Variants in NOS1AP observed in about 807,000 individuals in gnomAD.
NOS1AP encodes the protein nitric oxide synthase 1 adaptor protein.
In NOS1AP, 21 loss-of-function variants were observed where a neutral mutation model predicts 56.2. The observed-to-expected ratio is 0.37, with a 90% confidence interval of 0.26 to 0.54. NOS1AP has a LOEUF of 0.54. NOS1AP is among the 20% of genes least tolerant of loss of function. The pLI, the probability that NOS1AP is intolerant of heterozygous loss-of-function variation, is 0.84. For missense variants in NOS1AP, 522 were observed against 657.8 expected (o/e 0.79, Z 2.26); for synonymous variants, 270 against 274.6 (o/e 0.98, Z 0.17).
At chr1:162,199,595 CGTGTGTGTGTGTGTGTGTGTGTGTGTGT>C (rs58625856) in intron 2 of NOS1AP, among the ~76,000 whole-genome samples, 3,870 of 131,702 alleles carry the variant, frequency 0.029, 71 homozygotes, top group Non-Finnish European at 0.041. Flanking sequence ...GCATGGATTG[CGTGTGTGTGTGTGTGTGTGTGTGTGTGT>C]GTGTGTGTGT....
At chr1:162,276,101 A>G (rs1654723677) in intron 2 of NOS1AP, among the ~76,000 whole-genome samples, 1 of 152,224 alleles carries the variant, frequency 6.6e-6, no homozygotes, top group Non-Finnish European at 1.5e-5. Context: ...AACATAAAAT[A>G]TTTACCACTT....
chr1:162,306,172 C>T (rs556949142), intron 4 of NOS1AP, among the ~76,000 whole-genome samples: 2 of 152,312 alleles, frequency 1.3e-5, no homozygotes, highest in South Asian at 4.1e-4. Context: ...AAGCCAGCCA[C>T]ATCCATGTGC....
At chr1:162,166,059 CT>C (rs896162861) in intron 2 of NOS1AP, among the ~76,000 whole-genome samples, 6 of 152,192 alleles carry the variant, frequency 3.9e-5, no homozygotes, top group Non-Finnish European at 8.8e-5. Flanking sequence ...GTCACTACCC[CT>C]GGCTTAGGTC....
At chr1:162,350,818 C>T (rs982310756) in intron 6 of NOS1AP, among the ~76,000 whole-genome samples, 1 of 151,946 alleles carries the variant, frequency 6.6e-6, no homozygotes, top group African/African-American at 2.4e-5. Context: ...CTCCCTTCCC[C>T]GCAATTCCTG....
intron 2 of NOS1AP, among the ~76,000 whole-genome samples, chr1:162,258,444 A>G (rs571335189): frequency 6.6e-6 from 1 of 152,070 alleles, no homozygotes; most frequent in African/African-American, 2.4e-5. Context: ...GGTGCATCTT[A>G]TCTGGAATCT....
chr1:162,204,859 TG>T (rs1306048430), intron 2 of NOS1AP, among the ~76,000 whole-genome samples: 1 of 152,096 alleles, frequency 6.6e-6, no homozygotes, highest in African/African-American at 2.4e-5. Flanking sequence ...TGTGGGTGCT[TG>T]TGTGGGATGT....
At chr1:162,363,791 A>G in intron 8 of NOS1AP, 1 of 985,428 alleles carries the variant, frequency 1.0e-6, no homozygotes, top group East Asian at 1.1e-4. Flanking sequence ...ACCCCTCCCC[A>G]GATCTTCTCT....
chr1:162,301,470 G>A (rs1655650601), intron 4 of NOS1AP, among the ~76,000 whole-genome samples: 1 of 152,146 alleles, frequency 6.6e-6, no homozygotes, highest in Non-Finnish European at 1.5e-5. Flanking sequence ...TTATTTATAA[G>A]CCAGCCAGTT....
At chr1:162,083,994 T>C (rs1412779237) in intron 1 of NOS1AP, among the ~76,000 whole-genome samples, 1 of 152,204 alleles carries the variant, frequency 6.6e-6, no homozygotes. Flanking sequence ...TGATTTTGAT[T>C]CAGTTATTAT....
chr1:162,203,563 T>TA (rs1416559732), intron 2 of NOS1AP, among the ~76,000 whole-genome samples: 2 of 152,132 alleles, frequency 1.3e-5, no homozygotes, highest in East Asian at 1.9e-4. Flanking sequence ...GTAGCACCTT[T>TA]AAAAAAATTG....
intron 2 of NOS1AP, among the ~76,000 whole-genome samples, chr1:162,223,130 A>G (rs1312349428): frequency 6.6e-6 from 1 of 152,218 alleles, no homozygotes; most frequent in African/African-American, 2.4e-5. Flanking sequence ...AATTATATCT[A>G]AGACAGTTGA....
chr1:162,325,969 T>C (rs573879940), intron 4 of NOS1AP, among the ~76,000 whole-genome samples: 140 of 152,164 alleles, frequency 9.2e-4, no homozygotes, highest in African/African-American at 3.3e-3. Flanking sequence ...CCACTTGACA[T>C]TTCTAAGTTT....
At chr1:162,105,843 G>A (rs1647483959) in intron 1 of NOS1AP, among the ~76,000 whole-genome samples, 1 of 152,226 alleles carries the variant, frequency 6.6e-6, no homozygotes, top group Non-Finnish European at 1.5e-5. Flanking sequence ...GATGACTCCA[G>A]CCTGCTGCCA....
At chr1:162,261,111 A>G (rs1654198107) in intron 2 of NOS1AP, among the ~76,000 whole-genome samples, 1 of 139,364 alleles carries the variant, frequency 7.2e-6, no homozygotes, top group South Asian at 2.4e-4. Flanking sequence ...GTTAATATTT[A>G]TTTGGAGATA....
intron 4 of NOS1AP, among the ~76,000 whole-genome samples, chr1:162,307,530 G>A (rs1389927888): frequency 6.6e-5 from 10 of 152,192 alleles, no homozygotes; most frequent in African/African-American, 2.2e-4. Flanking sequence ...TAGGCCAGAC[G>A]CGGTGGCTCA....
At chr1:162,148,814 A>T (rs563281900) in intron 1 of NOS1AP, among the ~76,000 whole-genome samples, 1 of 152,364 alleles carries the variant, frequency 6.6e-6, no homozygotes, top group South Asian at 2.1e-4. Context: ...TAAGGAGGCC[A>T]TTGTATAGAC....
chr1:162,327,598 A>T (rs904111914), intron 4 of NOS1AP, among the ~76,000 whole-genome samples: 3 of 152,200 alleles, frequency 2.0e-5, no homozygotes, highest in Admixed American at 1.3e-4. Flanking sequence ...CCAGTTACCC[A>T]AGTATGTTCA....
chr1:162,267,297 A>T (rs1319473353), intron 2 of NOS1AP, among the ~76,000 whole-genome samples: 1 of 152,180 alleles, frequency 6.6e-6, no homozygotes, highest in Non-Finnish European at 1.5e-5. Flanking sequence ...GTGGAGAATT[A>T]TACTAGAGTT....
At chr1:162,136,829 C>T (rs1203495400) in intron 1 of NOS1AP, among the ~76,000 whole-genome samples, 1 of 152,240 alleles carries the variant, frequency 6.6e-6, no homozygotes, top group East Asian at 1.9e-4. Context: ...ACAGAAGTAC[C>T]TCCTAGCTTT....
Sources: gnomAD v4.1 joint callset for allele counts (sites outside exome capture counted in the v4.1 genomes callset) on GRCh38, gnomAD v4.1.1 for gene constraint, MANE v1.5 for transcripts, NCBI Gene and HGNC (gene_info 2026-07-23, HGNC 2026-07-21) for gene names.